Variants in NID1 observed in about 807,000 individuals in gnomAD.
NID1 encodes the protein nidogen 1, also known as nidogen-1.
In NID1, 76 loss-of-function variants were observed where a neutral mutation model predicts 130.6. The observed-to-expected ratio is 0.58, with a 90% CI of 0.48 to 0.70. NID1 has a LOEUF of 0.70. NID1 is among the 30% of genes least tolerant of loss of function. The pLI, the probability that NID1 is intolerant of heterozygous loss-of-function variation, is 0.00. For missense variants in NID1, 1,517 were observed against 1,664.8 expected, an observed-to-expected ratio of 0.91 and a Z score of 1.54; for synonymous variants, 665 against 675.1, an observed-to-expected ratio of 0.98 and a Z score of 0.23.
At chr1:236,036,058 C>T (rs3768084) in intron 5 of NID1, among the ~76,000 whole-genome samples, 19,117 of 152,056 alleles carry the variant, frequency 0.13, 1,988 homozygotes, top group East Asian at 0.42. Context: ...GAGCTGGCTG[C>T]CAAACACAAA....
At chr1:235,999,133 A>G (rs1658008447) in intron 12 of NID1, among the ~76,000 whole-genome samples, 1 of 152,228 alleles carries the variant, frequency 6.6e-6, no homozygotes, top group East Asian at 1.9e-4. Context: ...CCAGAGCCCC[A>G]TTTTCCTACC....
At position 236,029,609 on chromosome 1, in the gene NID1, G is replaced by T. The variant is rs774575082; in HGVS notation, c.1679C>A (p.Pro560Gln). The T allele has an allele frequency of 1.2e-6, 2 of 1,601,508 alleles. No individual in the cohort carries two copies. Among genetic ancestry groups the T allele is most frequent in the Non-Finnish European group, 1.7e-6 (2 of 1,174,288 alleles). Residue 560 changes from proline (P) to glutamine (Q), a missense_variant, in exon 7 of 20, where the codon CCG (proline) becomes CAG (glutamine). This residue lies in a region of NID1 where 1,329 missense variants were observed against 1,429.2 expected (regional missense o/e 0.93). Coordinates refer to ENST00000264187, the MANE Select transcript of NID1 (RefSeq NM_002508.3). ...TELEGRVPQI[P>Q]FGSSVHIEPY... ...CTCAATGTGCACGGAGGAGCCGAAC[G>T]GAATCTGCGGCACGCGGCCCTCCAG...
rs201470221 is a variant in NID1, at chr1:236,011,913, C to T, written c.2527+8G>A. 1.3e-4 allele frequency: 203 copies of T among 1,613,486 alleles called. No homozygotes were observed. The African/African-American group carries it at 2.5e-3, about 20-fold the overall frequency. On this transcript the variant is annotated splice_region_variant and intron_variant, in intron 12 of 19. Transcript: ENST00000264187. ...GGGCTACCGACTCCAGATGTCCCAC[C>T]ACCTTACCTCCGGGCACGCAACGGA...
At position 235,999,451 on chromosome 1, in the gene NID1, C is replaced by T. The variant is rs376272410; in HGVS notation, c.2528-5579G>A. Among the ~76,000 whole-genome samples, 10 of 149,922 alleles carry T rather than the reference C, an allele frequency of 6.7e-5. No homozygotes were observed. The South Asian group carries it at 1.3e-3, about 19-fold the overall frequency. On this transcript the variant is annotated intron_variant, in intron 12 of 19. Coordinates refer to ENST00000264187, the MANE Select transcript of NID1 (RefSeq NM_002508.3). ...TCGGTGGACTTTCTGGGCCAGCAGA[C>T]AGTGGGAGCAGCCCAGGGGCTCTAG...
At chr1:236,060,954 C>T (rs1326708435) in intron 1 of NID1, among the ~76,000 whole-genome samples, 1 of 152,114 alleles carries the variant, frequency 6.6e-6, no homozygotes, top group Non-Finnish European at 1.5e-5. Context: ...CAATTGGAGC[C>T]TAGTACTGTA....
intron 9 of NID1, among the ~76,000 whole-genome samples, chr1:236,018,671 C>A (rs1414499898): frequency 6.6e-6 from 1 of 152,192 alleles, no homozygotes; most frequent in African/African-American, 2.4e-5. Context: ...TTTCTAAAAC[C>A]CTGAGATGTG....
intron 16 of NID1, 118 bp downstream of exon 16, chr1:235,981,493 C>T (rs765567322): frequency 2.8e-5 from 31 of 1,096,056 alleles, no homozygotes; most frequent in African/African-American, 7.9e-5. Context: ...TAGACTCTTT[C>T]GTCCCGTACT....
intron 1 of NID1, among the ~76,000 whole-genome samples, chr1:236,052,895 A>AAATGAATG (rs61159787): frequency 1.8e-4 from 27 of 152,062 alleles, no homozygotes; most frequent in African/African-American, 6.3e-4. Flanking sequence ...AGCAGCTGGA[A>AAATGAATG]AATGAATGAA....
At position 236,003,524 on chromosome 1, in the gene NID1, G is replaced by C. The variant is rs77558564; in HGVS notation, c.2527+8397C>G. Among the ~76,000 whole-genome samples the C allele has an allele frequency of 2.4e-3, 372 of 152,322 alleles. 1 individual carries two copies. The highest frequency in any genetic ancestry group is 8.6e-3 in the African/African-American group (359 of 41,562). On this transcript the variant is annotated intron_variant, in intron 12 of 19. Coordinates refer to ENST00000264187, the MANE Select transcript of NID1 (RefSeq NM_002508.3). ...TGTGTTGTCCTGGATACCAAATGAA[G>C]AAAGTGTTTCAGGAAGGAGGGCGAG...
rs369791550 is a variant in NID1, at chr1:235,979,959, A to T, written c.3386-14T>A. The T allele has an allele frequency of 5.6e-6, 9 of 1,613,622 alleles. No individual in the cohort carries two copies. Among genetic ancestry groups the T allele is most frequent in the Non-Finnish European group, 7.6e-6 (9 of 1,179,680 alleles). On this transcript the variant is annotated splice_polypyrimidine_tract_variant and intron_variant, in intron 17 of 19. Transcript: ENST00000264187. The surrounding 1 kb of genome is among the most constrained non-coding windows in gnomAD (Gnocchi z 4.6). ...CCCGATTGGTGCCTGTGTGGAGTGGAAACAATTCATTCATTGTTCACACAA... is the reference window on the plus strand; with the variant it reads ...CCCGATTGGTGCCTGTGTGGAGTGGTAACAATTCATTCATTGTTCACACAA...
intron 13 of NID1, among the ~76,000 whole-genome samples, chr1:235,991,410 G>A (rs1449144200): frequency 6.6e-6 from 1 of 152,066 alleles, no homozygotes; most frequent in Non-Finnish European, 1.5e-5. Context: ...TTGGCTCACT[G>A]CAACCTCTGC....
At chr1:236,022,789 G>A (rs889127009) in intron 9 of NID1, among the ~76,000 whole-genome samples, 13 of 151,580 alleles carry the variant, frequency 8.6e-5, no homozygotes, top group East Asian at 3.9e-4. Context: ...AAGGCCAGGC[G>A]TGGCAGCTCA....
Position 236,025,354 on chromosome 1 carries a change from T to C in NID1, c.1984+542A>G, listed in dbSNP as rs1019426655. Among the ~76,000 whole-genome samples, 4 of 150,312 alleles carry C rather than the reference T, an allele frequency of 2.7e-5. No homozygotes were observed. In the East Asian group the frequency reaches 6.0e-4, roughly 23 times the overall value. On this transcript the variant is annotated intron_variant, in intron 8 of 19. Transcript: ENST00000264187. ...TCGGCTGACTACAACCTCTGCCTCC[T>C]GGGTTCAAGCGATTCTCCTGCCTCA...
rs1558428586 is a variant in NID1 at position 236,003,080 on chromosome 1, G to GTAGTTGTCACTCCTAGTGAACGAGTA, written c.2527+8840_2527+8841insTACTCGTTCACTAGGAGTGACAACTA. Among the ~76,000 whole-genome samples, 301 of 134,522 alleles carry GTAGTTGTCACTCCTAGTGAACGAGTA rather than the reference G, an allele frequency of 2.2e-3. 31 individuals are homozygous for GTAGTTGTCACTCCTAGTGAACGAGTA. Among genetic ancestry groups the GTAGTTGTCACTCCTAGTGAACGAGTA allele is most frequent in the Admixed American group, 2.5e-3 (34 of 13,848 alleles). The allele number at this position is 134,522 out of a possible 152,430, so 88.3% of individuals were successfully genotyped here. On this transcript the variant is annotated intron_variant, in intron 12 of 19. Transcript: ENST00000264187. ...TGGTTATCACTCCTAGTGAACGAGT[G>GTAGTTGTCACTCCTAGTGAACGAGTA]GTAGTTGTCACTCCTAGTGAACGAC...
intron 12 of NID1, among the ~76,000 whole-genome samples, chr1:235,999,284 T>C (rs1406606600): frequency 6.6e-6 from 1 of 152,266 alleles, no homozygotes; most frequent in Non-Finnish European, 1.5e-5. Flanking sequence ...ACAAAGTATT[T>C]GGTCAGCATA....
At chr1:236,047,778 G>A (rs1659647411) in intron 2 of NID1, among the ~76,000 whole-genome samples, 1 of 152,120 alleles carries the variant, frequency 6.6e-6, no homozygotes, top group Non-Finnish European at 1.5e-5. Flanking sequence ...TGTAATCCCA[G>A]CACTTTGGGA....
At chr1:236,063,479 A>AAAAT (rs57532391) in intron 1 of NID1, among the ~76,000 whole-genome samples, 20 of 148,440 alleles carry the variant, frequency 1.3e-4, no homozygotes, top group African/African-American at 4.5e-4. Flanking sequence ...CTCAAAAAAA[A>AAAAT]AAATAAATAA....
chr1:235,993,627 C>T lies in NID1; in HGVS notation c.2755+18G>A, dbSNP rs145495862. Reference sequence around the variant, plus strand: ...TCCTTCTCAGGCACACGCCCAAGCACGGCCTGCACCCACTTACACGGGGGC... The same window carrying T: ...TCCTTCTCAGGCACACGCCCAAGCATGGCCTGCACCCACTTACACGGGGGC... On this transcript the variant is annotated intron_variant, in intron 13 of 19. Transcript: ENST00000264187. 2,677 of 1,513,214 alleles carry T rather than the reference C, an allele frequency of 1.8e-3. 44 individuals carry two copies. In the African/African-American group the frequency reaches 0.034, roughly 19 times the overall value. The allele number at this position is 1,513,214 out of a possible 1,614,324, so 93.7% of individuals were successfully genotyped here.
chr1:235,993,746 G>A lies in NID1; in HGVS notation c.2654C>T (p.Ala885Val), dbSNP rs749480537. Reference protein sequence around the residue: ...VPECDAHGHYAPTQCHGSTGY... With the variant: ...VPECDAHGHYVPTQCHGSTGY... ...GGTGCTGCCGTGGCACTGGGTGGGCGCGTAGTGCCCGTGCGCATCGCACTC... is the reference window on the plus strand; with the variant it reads ...GGTGCTGCCGTGGCACTGGGTGGGCACGTAGTGCCCGTGCGCATCGCACTC... Residue 885 changes from alanine to valine, a missense_variant, in exon 13 of 20, where the codon GCG becomes GTG. Around this residue, in one of 3 missense-constraint regions of NID1, gnomAD observed 1,329 missense variants for 1,429.2 expected, o/e 0.93. Coordinates refer to ENST00000264187, the MANE Select transcript of NID1 (RefSeq NM_002508.3). 6.8e-6 allele frequency: 11 copies of A among 1,613,338 alleles called. No individual in the cohort carries two copies. Among genetic ancestry groups the A allele is most frequent in the South Asian group, 2.2e-5 (2 of 91,054 alleles).
Sources: allele counts gnomAD v4.1 joint callset (sites outside exome capture counted in the v4.1 genomes callset), GRCh38; gene constraint gnomAD v4.1.1; regional missense constraint gnomAD v4.1.1; non-coding constraint Gnocchi (gnomAD v3.1); transcripts MANE v1.5; gene names NCBI Gene and HGNC (gene_info 2026-07-23, HGNC 2026-07-21).